CHD5: variants seen among roughly 807,000 people sequenced by gnomAD.
CHD5 encodes ATP-dependent chromatin remodeler CHD5.
In CHD5, 69 loss-of-function variants were observed where a neutral mutation model predicts 230.3. The ratio of observed to expected loss-of-function variants is 0.30; its 90% CI spans 0.25 to 0.37. The LOEUF (loss-of-function observed/expected upper bound fraction) is 0.37, where lower values mean the gene tolerates loss of function less well. Ranked by LOEUF, CHD5 falls within the 10% of genes least tolerant of loss-of-function variation. CHD5 has a pLI of 1.00. For missense variants in CHD5, 1,827 were observed against 2,622.8 expected, an observed-to-expected ratio of 0.70 and a Z score of 6.63; for synonymous variants, 1,064 against 1,065.9, an observed-to-expected ratio of 1.00 and a Z score of 0.03.
intron 31 of CHD5, 101 bp downstream of exon 31, chr1:6,123,847 G>A: frequency 1.3e-6 from 1 of 790,968 alleles, no homozygotes; most frequent in Non-Finnish European, 1.8e-6. Context: ...GGGGGAAGGA[G>A]AGGCCGTCTT....
chr1:6,112,313 T>C, intron 34 of CHD5, 36 bp from the exon 35 acceptor site: 1 of 1,603,926 alleles, frequency 6.2e-7, no homozygotes, highest in South Asian at 1.1e-5. Context: ...CATCCATCCA[T>C]CCAAAAAGCA....
intron 8 of CHD5, 30 bp downstream of exon 8, chr1:6,149,215 GC>G (rs1415807787): frequency 2.1e-5 from 32 of 1,538,002 alleles, no homozygotes; most frequent in Non-Finnish European, 2.5e-5. Context: ...GCGTGGCCCC[GC>G]CCCCAGCCCG....
chr1:6,116,188 A>G (rs774881276), intron 33 of CHD5, among the ~76,000 whole-genome samples: 70 of 152,292 alleles, frequency 4.6e-4, no homozygotes, highest in Non-Finnish European at 4.4e-4. Context: ...GTTTTGGTTC[A>G]TTGCTTGTGT....
rs563376997 is a variant in CHD5 at position 6,131,319 on chromosome 1, A to G, written c.3262+312T>C. Among the ~76,000 whole-genome samples the G allele has an allele frequency of 1.6e-4, 25 of 152,278 alleles. No individual in the cohort carries two copies. In the Middle Eastern group the frequency reaches 0.01, roughly 62 times the overall value. Reference sequence around the variant, plus strand: ...GTGCATCTCTGTACCTTCTGCCACCATTCACCATACGGCAGGCTCTGTCCA... The same window carrying G: ...GTGCATCTCTGTACCTTCTGCCACCGTTCACCATACGGCAGGCTCTGTCCA... On this transcript the variant is annotated intron_variant, in intron 21 of 41. Coordinates refer to ENST00000262450, the MANE Select transcript of CHD5 (RefSeq NM_015557.3). The surrounding 1 kb of genome is among the most constrained non-coding windows in gnomAD (Gnocchi z 5.0).
At chr1:6,173,117 T>C (rs972555782) in intron 1 of CHD5, among the ~76,000 whole-genome samples, 2 of 150,794 alleles carry the variant, frequency 1.3e-5, no homozygotes, top group African/African-American at 4.9e-5. Context: ...TCTTTTTTTT[T>C]TTTTTTAGAC....
chr1:6,120,314 T>C (rs189523142), intron 33 of CHD5, among the ~76,000 whole-genome samples: 14 of 152,140 alleles, frequency 9.2e-5, no homozygotes, highest in Admixed American at 2.6e-4. Flanking sequence ...CACAATGCAA[T>C]TGAGTCAGAA....
intron 11 of CHD5, 50 bp from the exon 12 acceptor site, chr1:6,144,205 C>G: frequency 1.9e-6 from 3 of 1,608,962 alleles, no homozygotes; most frequent in Non-Finnish European, 2.6e-6. Context: ...GGCCACAGCA[C>G]AGGTTTGATG....
At chr1:6,172,627 C>A (rs1270733868) in intron 1 of CHD5, among the ~76,000 whole-genome samples, 1 of 152,116 alleles carries the variant, frequency 6.6e-6, no homozygotes, top group Non-Finnish European at 1.5e-5. Flanking sequence ...GCGCCCACCC[C>A]CTTGCGAAGT....
At position 6,134,024 on chromosome 1, in the gene CHD5, A is replaced by G; in HGVS notation, c.3144+104T>C. The G allele has an allele frequency of 8.7e-7, 1 of 1,147,974 alleles. No individual in the cohort carries two copies. The highest frequency in any genetic ancestry group is 1.3e-6 in the Non-Finnish European group (1 of 799,848). The allele number at this position is 1,147,974 out of a possible 1,614,324, so 71.1% of individuals were successfully genotyped here. A position where few individuals can be genotyped will look rare whatever the true frequency, so the allele number is the denominator to read the frequency against. ...GTCACATGACCCACATGGGAACGGC[A>G]CTGGGCCCTGAGGGGTGCCAGCAAG... On this transcript the variant is annotated intron_variant, in intron 20 of 41. Coordinates refer to ENST00000262450, the MANE Select transcript of CHD5 (RefSeq NM_015557.3). This position sits in a 1 kb window ranked among gnomAD's most constrained non-coding sequence, Gnocchi z 6.3.
chr1:6,140,665 T>C (rs1478557503), intron 15 of CHD5, among the ~76,000 whole-genome samples: 1 of 152,120 alleles, frequency 6.6e-6, no homozygotes, highest in Non-Finnish European at 1.5e-5. Context: ...CCAACATTCA[T>C]GTCCACCCAG....
rs919601358 is a variant in CHD5, at chr1:6,134,420, G to A, written c.3013-161C>T. On this transcript the variant is annotated intron_variant, in intron 19 of 41. Transcript: ENST00000262450. This position sits in a 1 kb window ranked among gnomAD's most constrained non-coding sequence, Gnocchi z 6.3. ...CACCCGAGCCAGGCCAGGCCCCACA[G>A]TGCGGGGTAGACCGTGGGTCCCACG... is the stretch of plus-strand genomic sequence containing the variant. Among the ~76,000 whole-genome samples, 1 of 152,204 alleles carries A rather than the reference G, an allele frequency of 6.6e-6. No homozygotes were observed. Among genetic ancestry groups the A allele is most frequent in the African/African-American group, 2.4e-5 (1 of 41,464 alleles).
intron 38 of CHD5, among the ~76,000 whole-genome samples, chr1:6,108,625 A>G: frequency 8.2e-6 from 1 of 121,704 alleles, no homozygotes; most frequent in East Asian, 3.1e-4. Context: ...TGACAGAGGG[A>G]TGAGGGATGG....
Position 6,128,145 on chromosome 1 carries a change from C to A in CHD5, c.3804G>T (p.Arg1268=). 2 of 1,614,142 alleles carry A rather than the reference C, an allele frequency of 1.2e-6. No individual in the cohort carries two copies. The highest frequency in any genetic ancestry group is 1.7e-6 in the Non-Finnish European group (2 of 1,180,012). ...CCGTGTCATCTGTAGCGTCCTGGTT[C>A]CGGTCCAGCAGCTTGGAGATGGCCG... The part of the protein sequence containing the change: ...DDAAISKLLD[R]NQDATDDTEL... Residue 1268 remains arginine, a synonymous_variant, in exon 25 of 42, where the codon CGG becomes CGT. Transcript: ENST00000262450. The surrounding 1 kb of genome is among the most constrained non-coding windows in gnomAD (Gnocchi z 7.8).
intron 5 of CHD5, among the ~76,000 whole-genome samples, chr1:6,153,517 C>T (rs1203067217): frequency 6.6e-6 from 1 of 152,206 alleles, no homozygotes; most frequent in African/African-American, 2.4e-5. Flanking sequence ...CCCCGGAGCC[C>T]CCTCAGCCCC....
At chr1:6,124,220 G>T in intron 30 of CHD5, 113 bp from the exon 31 acceptor site, 1 of 1,075,458 alleles carries the variant, frequency 9.3e-7, no homozygotes, top group Non-Finnish European at 1.3e-6. Flanking sequence ...GCTTGGGGTA[G>T]CTGCTACCTC....
chr1:6,146,629 C>T lies in CHD5; in HGVS notation c.1590+36G>A. 6.2e-7 allele frequency: 1 copy of T among 1,606,102 alleles called. No homozygotes were observed. ...AGGAGGGTCCAGGGCTCACCAGGTC[C>T]CGGGCCTTAGCACAGCCACCCTCCC... On this transcript the variant is annotated intron_variant, in intron 10 of 41. Transcript: ENST00000262450. This position sits in a 1 kb window ranked among gnomAD's most constrained non-coding sequence, Gnocchi z 5.1.
chr1:6,176,328 T>C (rs1163428099), intron 1 of CHD5, among the ~76,000 whole-genome samples: 2 of 152,140 alleles, frequency 1.3e-5, no homozygotes, highest in East Asian at 1.9e-4. Context: ...CTAGGGCCAA[T>C]TGTCACTGGG....
At chr1:6,135,012 C>T (rs1666717058) in intron 18 of CHD5, among the ~76,000 whole-genome samples, 153 bp from the exon 19 acceptor site, 1 of 152,110 alleles carries the variant, frequency 6.6e-6, no homozygotes, top group Non-Finnish European at 1.5e-5. Flanking sequence ...GGCCTGGAGT[C>T]CCCCTGCAAG....
Position 6,124,095 on chromosome 1 carries a change from C to A in CHD5, c.4552G>T (p.Glu1518Ter). Residue 1518 changes from glutamate to a stop codon, truncating the protein, a stop_gained, in exon 31 of 42, where the codon GAG becomes TAG. Transcript: ENST00000262450. LOFTEE classifies it high-confidence loss of function. ...SLVRKKVQEF[E>*]HVNGKYSTPD... The stretch of plus-strand genomic sequence containing the variant: ...GTGCTGTACTTCCCGTTGACATGCT[C>A]AAACTCCTGAACCTGGGGTGGTGGG... 1 of 1,611,926 alleles carries A rather than the reference C, an allele frequency of 6.2e-7. No individual in the cohort carries two copies. Among genetic ancestry groups the A allele is most frequent in the South Asian group, 1.1e-5 (1 of 90,684 alleles).
Sources: allele counts gnomAD v4.1 joint callset (sites outside exome capture counted in the v4.1 genomes callset), GRCh38; gene constraint gnomAD v4.1.1; non-coding constraint Gnocchi (gnomAD v3.1); transcripts MANE v1.5; gene names NCBI Gene and HGNC (gene_info 2026-07-23, HGNC 2026-07-21).